ADAM20: variants seen among roughly 807,000 people sequenced by gnomAD.
The protein encoded by ADAM20 is ADAM metallopeptidase domain 20.
For synonymous variants in ADAM20, 305 were observed against 310.2 expected, an observed-to-expected ratio of 0.98 and a Z score of 0.18; for missense variants, 871 against 883.2, an observed-to-expected ratio of 0.99 and a Z score of 0.18.
chr14:70,574,834 T>TAA, the ADAM20 span, among the ~76,000 whole-genome samples: 2 of 151,576 alleles, frequency 1.3e-5, no homozygotes, highest in Non-Finnish European at 2.9e-5. Context: ...CATATATATA[T>TAA]AATGGTATAC....
the ADAM20 span, among the ~76,000 whole-genome samples, chr14:70,541,682 G>C: frequency 6.6e-6 from 1 of 152,192 alleles, no homozygotes; most frequent in Non-Finnish European, 1.5e-5. Context: ...AGCACTGTCA[G>C]ATATAAAATA....
the ADAM20 span, among the ~76,000 whole-genome samples, chr14:70,563,582 A>G: frequency 6.6e-6 from 1 of 152,190 alleles, no homozygotes; most frequent in Non-Finnish European, 1.5e-5. Flanking sequence ...TGTAATCCCC[A>G]GCGTTGGAGG....
chr14:70,567,924 G>C, the ADAM20 span, among the ~76,000 whole-genome samples: 3 of 152,080 alleles, frequency 2.0e-5, no homozygotes, highest in African/African-American at 2.4e-5. Flanking sequence ...TTTCCTCCAA[G>C]ATCTCAGCGG....
the ADAM20 span, among the ~76,000 whole-genome samples, chr14:70,553,581 G>T: frequency 3.2e-5 from 3 of 95,170 alleles, no homozygotes; most frequent in Non-Finnish European, 6.7e-5. Flanking sequence ...ATATTAAAAT[G>T]ATCATTCATC....
At chr14:70,576,433 T>C in the ADAM20 span, among the ~76,000 whole-genome samples, 1 of 152,188 alleles carries the variant, frequency 6.6e-6, no homozygotes, top group Non-Finnish European at 1.5e-5. Context: ...TGATAAAATT[T>C]TTTTTAAAAA....
chr14:70,537,127 C>G (rs1883854913), upstream of ADAM20, among the ~76,000 whole-genome samples: 1 of 152,162 alleles, frequency 6.6e-6, no homozygotes, highest in African/African-American at 2.4e-5. Context: ...AAGCAGTGGA[C>G]AGCAGCTGCT....
At chr14:70,533,162 T>G (rs1020784135) in intron 1 of ADAM20, among the ~76,000 whole-genome samples, 4 of 152,164 alleles carry the variant, frequency 2.6e-5, no homozygotes, top group Non-Finnish European at 5.9e-5. Context: ...AGAGTGTAAA[T>G]TAGTTCAACC....
the ADAM20 span, among the ~76,000 whole-genome samples, chr14:70,559,050 A>G: frequency 2.6e-5 from 4 of 152,328 alleles, no homozygotes; most frequent in South Asian, 6.2e-4. Context: ...TATATATTCT[A>G]TGATGCCAAA....
At chr14:70,561,947 T>C in the ADAM20 span, among the ~76,000 whole-genome samples, 1 of 152,190 alleles carries the variant, frequency 6.6e-6, no homozygotes, top group Admixed American at 6.5e-5. Context: ...AAATGTGGGA[T>C]TGGAGTCCCC....
At chr14:70,532,393 C>T (rs772390359) in intron 1 of ADAM20, among the ~76,000 whole-genome samples, 1 of 151,982 alleles carries the variant, frequency 6.6e-6, no homozygotes, top group Non-Finnish European at 1.5e-5. Flanking sequence ...ACGAGAAAAT[C>T]TTCACAGCAT....
chr14:70,546,243 AC>A, the ADAM20 span, among the ~76,000 whole-genome samples: 1 of 152,154 alleles, frequency 6.6e-6, no homozygotes, highest in African/African-American at 2.4e-5. Context: ...AGCACTGTGA[AC>A]CCCCAAAATT....
chr14:70,558,616 C>T, the ADAM20 span, among the ~76,000 whole-genome samples: 27 of 152,062 alleles, frequency 1.8e-4, no homozygotes, highest in Non-Finnish European at 3.1e-4. Context: ...GGGGTAAATG[C>T]TATAACATGG....
At chr14:70,578,023 T>C in the ADAM20 span, among the ~76,000 whole-genome samples, 4 of 152,090 alleles carry the variant, frequency 2.6e-5, no homozygotes, top group African/African-American at 4.8e-5. Flanking sequence ...AAATAATAAA[T>C]TGGACGTTAG....
the ADAM20 span, among the ~76,000 whole-genome samples, chr14:70,561,955 C>T: frequency 6.6e-6 from 1 of 152,322 alleles, no homozygotes; most frequent in East Asian, 1.9e-4. Context: ...GATTGGAGTC[C>T]CCACATAGAG....
chr14:70,540,703 G>A, the ADAM20 span, among the ~76,000 whole-genome samples: 1 of 152,166 alleles, frequency 6.6e-6, no homozygotes, highest in Admixed American at 6.5e-5. Context: ...TAATCTTGTG[G>A]CCTTAGGCAG....
At chr14:70,561,961 T>C in the ADAM20 span, among the ~76,000 whole-genome samples, 16,647 of 152,264 alleles carry the variant, frequency 0.11, 1,366 homozygotes, top group East Asian at 0.49. Context: ...AGTCCCCACA[T>C]AGAGTCCCCA....
At chr14:70,574,854 T>A in the ADAM20 span, among the ~76,000 whole-genome samples, 1 of 149,164 alleles carries the variant, frequency 6.7e-6, no homozygotes, top group Admixed American at 6.6e-5. Context: ...CCATTCAACC[T>A]TAAAAAATAA....
Position 70,522,639 on chromosome 14 carries a change from A to G in ADAM20, c.2119T>C (p.Leu707=). ...TTAAAAAGCACATGTAAGCAAAATA[A>G]TAAAAAAGCAACCAAAGGAAGAAGG... ...LCLLPLVAFL[L]FCLHVLFKKR... The change falls in exon 2 of 2, where the codon TTA becomes CTA. Residue 707 remains leucine (L), a synonymous_variant. Transcript: ENST00000256389. 6.2e-7 allele frequency: 1 copy of G among 1,613,820 alleles called. No homozygotes were observed. The highest frequency in any genetic ancestry group is 1.3e-5 in the African/African-American group (1 of 75,018).
the ADAM20 span, among the ~76,000 whole-genome samples, chr14:70,540,902 CT>C: frequency 8.5e-5 from 13 of 152,186 alleles, no homozygotes; most frequent in Non-Finnish European, 1.3e-4. Flanking sequence ...AAGAGATTCT[CT>C]TGCCTCAACC....
Sources: allele counts gnomAD v4.1 joint callset (sites outside exome capture counted in the v4.1 genomes callset), GRCh38; gene constraint gnomAD v4.1.1; transcripts MANE v1.5; gene names NCBI Gene and HGNC (gene_info 2026-07-23, HGNC 2026-07-21).